The following RARG variants were observed in gnomAD, a reference collection of about 807,000 sequenced individuals.
RARG encodes the protein RAR-gamma.
A neutral mutation model predicts 43.7 loss-of-function variants in RARG; 17 were observed. That is an observed-to-expected ratio of 0.39 (90% CI 0.27 to 0.58). RARG has a LOEUF of 0.58. RARG is among the 20% of genes least tolerant of loss of function. RARG has a pLI of 0.57. For missense variants in RARG, 346 were observed against 598.7 expected (o/e 0.58, Z 4.40); for synonymous variants, 238 against 236.4 (o/e 1.01, Z -0.06).
intron 9 of RARG, among the ~76,000 whole-genome samples, chr12:53,212,658 C>A: frequency 6.6e-6 from 1 of 151,428 alleles, no homozygotes; most frequent in South Asian, 2.1e-4. Context: ...TTACAAGGTA[C>A]GTGAAGAATA....
Position 53,211,864 on chromosome 12 carries a change from C to A in RARG, c.1178-1G>T. On this transcript the variant is annotated splice_acceptor_variant, in intron 9 of 9. Transcript: ENST00000425354. LOFTEE classifies it high-confidence loss of function. This position sits in a 1 kb window ranked among gnomAD's most constrained non-coding sequence, Gnocchi z 4.6. ...TTCAGAGTAATGGCCCTTTCAGCTC[C>A]TACAATGGAGAGAGAAAGAGAGAGG... 6.9e-7 allele frequency: 1 copy of A among 1,447,782 alleles called. No homozygotes were observed. The highest frequency in any genetic ancestry group is 9.2e-7 in the Non-Finnish European group (1 of 1,088,184). 89.7% of individuals were successfully genotyped at this position (1,447,782 alleles called of 1,614,324 possible).
intron 2 of RARG, among the ~76,000 whole-genome samples, chr12:53,229,274 T>C (rs1280598020): frequency 1.3e-5 from 2 of 152,190 alleles, no homozygotes; most frequent in Admixed American, 6.5e-5. Flanking sequence ...GATGGGTATA[T>C]CTGCCTTTCT....
At chr12:53,219,571 G>A (rs537849579) in intron 3 of RARG, among the ~76,000 whole-genome samples, 1 of 152,312 alleles carries the variant, frequency 6.6e-6, no homozygotes, top group South Asian at 2.1e-4. Context: ...CTCTGCAAAC[G>A]ATATTTTTAA....
chr12:53,221,582 C>T (rs1942964323), intron 3 of RARG, among the ~76,000 whole-genome samples: 1 of 152,242 alleles, frequency 6.6e-6, no homozygotes, highest in Non-Finnish European at 1.5e-5. Flanking sequence ...TGGGTTGCCC[C>T]TTCCGGCACT....
At chr12:53,220,451 T>A in intron 3 of RARG, 2 of 783,854 alleles carry the variant, frequency 2.6e-6, no homozygotes, top group Non-Finnish European at 3.6e-6. Flanking sequence ...TGAGCAAAGC[T>A]GAGAGTGGAG....
Position 53,211,511 on chromosome 12 carries a change from A to G in RARG, c.*165T>C. On this transcript the variant is annotated 3_prime_UTR_variant, in exon 10 of 10. Transcript: ENST00000425354. The surrounding 1 kb of genome is among the most constrained non-coding windows in gnomAD (Gnocchi z 4.6). The stretch of plus-strand genomic sequence containing the variant: ...GGGAGCCGGTTAGATCAGGAAGGGG[A>G]TGAACACAGAGGCACCCCTAGAAAC... 2 of 598,856 alleles carry G rather than the reference A, an allele frequency of 3.3e-6. No homozygotes were observed. Among genetic ancestry groups the G allele is most frequent in the South Asian group, 3.3e-5 (1 of 30,400 alleles). The allele number at this position is 598,856 out of a possible 1,614,324, so 37.1% of individuals were successfully genotyped here.
chr12:53,212,368 A>T (rs1480748692), intron 9 of RARG, among the ~76,000 whole-genome samples: 1 of 152,218 alleles, frequency 6.6e-6, no homozygotes, highest in African/African-American at 2.4e-5. Context: ...TGCAGAATGG[A>T]ATTTTTAATT....
chr12:53,215,484 A>T lies in RARG; in HGVS notation c.334-50T>A. 2 of 1,609,306 alleles carry T rather than the reference A, an allele frequency of 1.2e-6. No individual in the cohort carries two copies. Among genetic ancestry groups the T allele is most frequent in the Non-Finnish European group, 1.7e-6 (2 of 1,176,312 alleles). On this transcript the variant is annotated intron_variant, in intron 4 of 9. Transcript: ENST00000425354. The surrounding 1 kb of genome is among the most constrained non-coding windows in gnomAD (Gnocchi z 6.4). Reference sequence around the variant, plus strand: ...GCCTCTGAAGCACAATGCTGGGAGTACCAGCCTCTCACTGGCCTTGCAGGT... The same window carrying T: ...GCCTCTGAAGCACAATGCTGGGAGTTCCAGCCTCTCACTGGCCTTGCAGGT...
At chr12:53,229,891 G>A in intron 2 of RARG, 1 of 915,384 alleles carries the variant, frequency 1.1e-6, no homozygotes, top group Non-Finnish European at 1.3e-6. Flanking sequence ...ACAGAGGGAT[G>A]CTCAGCTCCT....
chr12:53,225,238 T>A (rs1292251491), intron 3 of RARG, among the ~76,000 whole-genome samples: 2 of 152,180 alleles, frequency 1.3e-5, no homozygotes, highest in African/African-American at 4.8e-5. Flanking sequence ...TACATGCCAC[T>A]CAAATAACCC....
chr12:53,211,935 C>T lies in RARG; in HGVS notation c.1178-72G>A, dbSNP rs1942600886. The T allele has an allele frequency of 1.6e-6, 2 of 1,225,114 alleles. No individual in the cohort carries two copies. Among genetic ancestry groups the T allele is most frequent in the African/African-American group, 3.1e-5 (2 of 63,652 alleles). 75.9% of individuals were successfully genotyped at this position (1,225,114 alleles called of 1,614,324 possible). ...TGGCCCTTAAGGCCATCTCCCTAAC[C>T]TTTCTCAACTGCCCCTGACTCCCCT... On this transcript the variant is annotated intron_variant, in intron 9 of 9. Coordinates refer to ENST00000425354, the MANE Select transcript of RARG (RefSeq NM_000966.6). The surrounding 1 kb of genome is among the most constrained non-coding windows in gnomAD (Gnocchi z 4.6).
rs1391775168 is a variant in RARG at position 53,214,254 on chromosome 12, G to A, written c.637-19C>T. On this transcript the variant is annotated intron_variant, in intron 6 of 9. Coordinates refer to ENST00000425354, the MANE Select transcript of RARG (RefSeq NM_000966.6). ...TGGAGTTCTGCAGAGGGGAGGGGTA[G>A]AAGGTTGGAAGGCAAGCTAAGGCCC... 2 of 1,603,584 alleles carry A rather than the reference G, an allele frequency of 1.2e-6. No individual in the cohort carries two copies. Among genetic ancestry groups the A allele is most frequent in the Non-Finnish European group, 1.7e-6 (2 of 1,171,106 alleles).
At position 53,214,470 on chromosome 12, in the gene RARG, G is replaced by A. The variant is rs775934664; in HGVS notation, c.612C>T (p.Leu204=). The A allele has an allele frequency of 1.2e-6, 2 of 1,613,396 alleles. No homozygotes were observed. Among genetic ancestry groups the A allele is most frequent in the Non-Finnish European group, 1.7e-6 (2 of 1,179,384 alleles). The part of the protein sequence containing the change: ...SKAHQETFPS[L]CQLGKYTTNS... ...CCGTGGTATACTTGCCCAGCTGGCA[G>A]AGCGAGGGGAAAGTCTCCTGATGGG... Residue 204 remains leucine (L), a synonymous_variant, in exon 6 of 10, where the codon CTC becomes CTT. Transcript: ENST00000425354.
At chr12:53,216,529 G>A (rs1466854839) in intron 3 of RARG, among the ~76,000 whole-genome samples, 2 of 152,176 alleles carry the variant, frequency 1.3e-5, no homozygotes, top group Non-Finnish European at 2.9e-5. Context: ...GAAGTGACCA[G>A]CTCAGTGCCA....
In RARG at chr12:53,213,740, G is replaced by C. The variant is rs753060414; in HGVS notation, c.814-40C>G. 3 of 1,541,592 alleles carry C rather than the reference G, an allele frequency of 1.9e-6. No individual in the cohort carries two copies. In the South Asian group the frequency reaches 3.4e-5, roughly 18 times the overall value. On this transcript the variant is annotated intron_variant, in intron 7 of 9. Transcript: ENST00000425354. The surrounding 1 kb of genome is among the most constrained non-coding windows in gnomAD (Gnocchi z 4.7). ...TGGAGGAGGGTTAGTGCTGTTTCTG[G>C]GGGATGGGGAAAAGAGGGAATGAGT...
intron 3 of RARG, among the ~76,000 whole-genome samples, chr12:53,224,126 C>T (rs952628501): frequency 6.6e-6 from 1 of 152,154 alleles, no homozygotes; most frequent in Non-Finnish European, 1.5e-5. Flanking sequence ...CACGCACACA[C>T]ACGTACACAC....
intron 2 of RARG, among the ~76,000 whole-genome samples, chr12:53,230,406 C>G (rs1592452941): frequency 6.6e-6 from 1 of 152,022 alleles, no homozygotes; most frequent in African/African-American, 2.4e-5. Flanking sequence ...GTCGGCCACT[C>G]TCCACCCGCT....
At chr12:53,226,654 C>T (rs1943114506) in intron 3 of RARG, among the ~76,000 whole-genome samples, 1 of 149,260 alleles carries the variant, frequency 6.7e-6, no homozygotes, top group Admixed American at 6.7e-5. Flanking sequence ...CTCTATCGCC[C>T]AGACTGGGGT....
At chr12:53,212,447 T>C (rs368526272) in intron 9 of RARG, among the ~76,000 whole-genome samples, 12 of 152,132 alleles carry the variant, frequency 7.9e-5, no homozygotes, top group African/African-American at 2.9e-4. Flanking sequence ...TTGTTGTTGT[T>C]TTAGAGGCAG....
Sources: allele counts gnomAD v4.1 joint callset (sites outside exome capture counted in the v4.1 genomes callset), GRCh38; gene constraint gnomAD v4.1.1; non-coding constraint Gnocchi (gnomAD v3.1); transcripts MANE v1.5; gene names NCBI Gene and HGNC (gene_info 2026-07-23, HGNC 2026-07-21).